COA7: variants seen among roughly 807,000 people sequenced by gnomAD.
COA7 encodes the protein cytochrome c oxidase assembly factor 7.
COA7 carries 12 observed loss-of-function variants against 21.0 expected under a neutral mutation model. The observed-to-expected ratio is 0.57, with a 90% confidence interval of 0.37 to 0.92. The LOEUF is 0.92. COA7 is among the 40% of genes least tolerant of loss of function. The pLI, the probability that COA7 is intolerant of heterozygous loss-of-function variation, is 0.01. For missense variants in COA7, 240 were observed against 286.1 expected, an observed-to-expected ratio of 0.84 and a Z score of 1.16; for synonymous variants, 95 against 107.4, an observed-to-expected ratio of 0.88 and a Z score of 0.72.
chr1:52,698,274 T>C lies in COA7; in HGVS notation c.53A>G (p.Glu18Gly). The C allele has an allele frequency of 6.2e-7, 1 of 1,612,892 alleles. No individual in the cohort carries two copies. The highest frequency in any genetic ancestry group is 1.1e-5 in the South Asian group (1 of 91,070). Residue 18 changes from glutamate to glycine, a missense_variant, in exon 1 of 3, where the codon GAG becomes GGG. Glu to Gly is a moderately conservative substitution (Grantham distance 98, BLOSUM62 -2). Transcript: ENST00000371538. ...QDEEQVKSFL[E>G]NMEVECNYHC... ...GTAGTTGCACTCCACCTCCATGTTC[T>C]CCAAAAAGGACTTGACCTGCTCCTC...
At chr1:52,693,605 TAAAA>T (rs565539055) in intron 1 of COA7, among the ~76,000 whole-genome samples, 6 of 117,648 alleles carry the variant, frequency 5.1e-5, no homozygotes, top group Non-Finnish European at 7.3e-5. Context: ...GACTCTGTCT[TAAAA>T]AAAAAAAAAA....
chr1:52,694,398 T>C (rs1644069218), intron 1 of COA7, among the ~76,000 whole-genome samples: 1 of 141,686 alleles, frequency 7.1e-6, no homozygotes, highest in Non-Finnish European at 1.5e-5. Flanking sequence ...AGGCGGAGAC[T>C]GCGGTGAGCC....
At position 52,684,717 on chromosome 1, in the gene COA7, ATAAT is replaced by A. The variant is rs1643989235; in HGVS notation, c.*2999_*3002del. On this transcript the variant is annotated 3_prime_UTR_variant, in exon 3 of 3. Coordinates refer to ENST00000371538, the MANE Select transcript of COA7 (RefSeq NM_023077.3). ...GACATATGTACAATGACAGGTATTTATAATTATAGTATCATACAGAGTAGTTTCG... is the reference window on the plus strand; with the variant it reads ...GACATATGTACAATGACAGGTATTTATATAGTATCATACAGAGTAGTTTCG... 1 of 152,154 alleles carries A rather than the reference ATAAT, an allele frequency of 6.6e-6. No individual in the cohort carries two copies. The highest frequency in any genetic ancestry group is 1.5e-5 in the Non-Finnish European group (1 of 68,020). 9.4% of individuals were successfully genotyped at this position (152,154 alleles called of 1,614,324 possible).
At chr1:52,690,026 C>CAAAAAAAAAAAAAGA in intron 2 of COA7, among the ~76,000 whole-genome samples, 1 of 101,576 alleles carries the variant, frequency 9.8e-6, no homozygotes, top group Non-Finnish European at 2.1e-5. Context: ...AACTCTGTCT[C>CAAAAAAAAAAAAAGA]AAAAAAAAAA....
chr1:52,691,084 C>T (rs962319479), intron 2 of COA7, among the ~76,000 whole-genome samples: 1 of 151,460 alleles, frequency 6.6e-6, no homozygotes, highest in Non-Finnish European at 1.5e-5. Context: ...GCCTGGGCGA[C>T]AGAGTGGGAC....
At chr1:52,690,553 C>T (rs1453472780) in intron 2 of COA7, among the ~76,000 whole-genome samples, 2 of 151,928 alleles carry the variant, frequency 1.3e-5, no homozygotes, top group Admixed American at 6.6e-5. Flanking sequence ...AACTGCTGAC[C>T]TACAAATTAA....
intron 2 of COA7, among the ~76,000 whole-genome samples, chr1:52,689,727 C>T (rs2149903949): frequency 6.6e-6 from 1 of 150,838 alleles, no homozygotes; most frequent in East Asian, 2.0e-4. Context: ...CCCATTTCTA[C>T]AAAAATACAA....
rs1644100049 is a variant in COA7, at chr1:52,698,296, C to G, written c.31G>C (p.Glu11Gln). Reference sequence around the variant, plus strand: ...TTCTCCAAAAAGGACTTGACCTGCTCCTCATCCTGGAAGTCCACCATGCCG... The same window carrying G: ...TTCTCCAAAAAGGACTTGACCTGCTGCTCATCCTGGAAGTCCACCATGCCG... MAGMVDFQDE[E>Q]QVKSFLENME... The change falls in exon 1 of 3, where the codon GAG becomes CAG. Residue 11 changes from glutamate to glutamine, a missense_variant. Glu to Gln is a conservative substitution (Grantham distance 29, BLOSUM62 2). Around this residue, in one of 3 missense-constraint regions of COA7, gnomAD observed 71 missense variants for 54.7 expected, o/e 1.30. Coordinates refer to ENST00000371538, the MANE Select transcript of COA7 (RefSeq NM_023077.3). 6.2e-7 allele frequency: 1 copy of G among 1,612,644 alleles called. No individual in the cohort carries two copies. Among genetic ancestry groups the G allele is most frequent in the African/African-American group, 1.3e-5 (1 of 75,032 alleles).
chr1:52,691,494 CAG>C (rs1644046788), intron 2 of COA7, among the ~76,000 whole-genome samples: 1 of 133,192 alleles, frequency 7.5e-6, no homozygotes, highest in African/African-American at 2.9e-5. Context: ...TTTTGTGAGA[CAG>C]AGTCTTGCTC....
At position 52,684,909 on chromosome 1, in the gene COA7, A is replaced by G. The variant is rs1411938727; in HGVS notation, c.*2811T>C. On this transcript the variant is annotated 3_prime_UTR_variant, in exon 3 of 3. Coordinates refer to ENST00000371538, the MANE Select transcript of COA7 (RefSeq NM_023077.3). ...TTTCAGACTGGCTTCATTTAGTAGC[A>G]TTCATTTAAGTTCCTCTGTGACTTC... 5.9e-5 allele frequency: 9 copies of G among 151,910 alleles called. No homozygotes were observed. Among genetic ancestry groups the G allele is most frequent in the Non-Finnish European group, 1.0e-4 (7 of 68,022 alleles). The allele number at this position is 151,910 out of a possible 1,614,324, so 9.4% of individuals were successfully genotyped here.
chr1:52,693,474 C>T (rs558376121), intron 1 of COA7, among the ~76,000 whole-genome samples: 62 of 151,824 alleles, frequency 4.1e-4, no homozygotes, highest in South Asian at 1.9e-3. Flanking sequence ...GGTGTGGTGG[C>T]GCACACCTGT....
chr1:52,689,233 G>T (rs1644027039), intron 2 of COA7, among the ~76,000 whole-genome samples: 1 of 150,960 alleles, frequency 6.6e-6, no homozygotes, highest in Non-Finnish European at 1.5e-5. Flanking sequence ...TTGGCTCACT[G>T]CTACCTCTGC....
chr1:52,692,969 CT>C, intron 1 of COA7, 102 bp from the exon 2 acceptor site: 1 of 1,244,746 alleles, frequency 8.0e-7, no homozygotes, highest in Non-Finnish European at 1.1e-6. Flanking sequence ...CAGGTGATGT[CT>C]TTTAAGACAG....
In COA7 at chr1:52,686,130, T is replaced by C. The variant is rs835612; in HGVS notation, c.*1590A>G. 0.38 allele frequency: 57,843 copies of C among 152,100 alleles called. 11,361 individuals carry two copies. Among genetic ancestry groups the C allele is most frequent in the African/African-American group, 0.45 (18,869 of 41,486 alleles). The allele number at this position is 152,100 out of a possible 1,614,324, so 9.4% of individuals were successfully genotyped here. Reference sequence around the variant, plus strand: ...ATCCACCTGCCTTGGCCTCCCAAAATGCTAGGATTACAGGCATGAGCCACC... The same window carrying C: ...ATCCACCTGCCTTGGCCTCCCAAAACGCTAGGATTACAGGCATGAGCCACC... On this transcript the variant is annotated 3_prime_UTR_variant, in exon 3 of 3. Transcript: ENST00000371538.
At position 52,686,066 on chromosome 1, in the gene COA7, A is replaced by C. The variant is rs116639365; in HGVS notation, c.*1654T>G. On this transcript the variant is annotated 3_prime_UTR_variant, in exon 3 of 3. Coordinates refer to ENST00000371538, the MANE Select transcript of COA7 (RefSeq NM_023077.3). ...TTTTAGTAGAGAAAGGGGTTTCGTCATGTTGGCCAGGCTGATCTCGAACTC... is the reference window on the plus strand; with the variant it reads ...TTTTAGTAGAGAAAGGGGTTTCGTCCTGTTGGCCAGGCTGATCTCGAACTC... 3,154 of 151,932 alleles carry C rather than the reference A, an allele frequency of 0.021. 76 individuals carry two copies. Among genetic ancestry groups the C allele is most frequent in the East Asian group, 0.14 (710 of 5,132 alleles). The allele number at this position is 151,932 out of a possible 1,614,324, so 9.4% of individuals were successfully genotyped here.
intron 2 of COA7, among the ~76,000 whole-genome samples, chr1:52,692,206 A>AC (rs1226841993): frequency 6.6e-6 from 1 of 152,222 alleles, no homozygotes; most frequent in Non-Finnish European, 1.5e-5. Flanking sequence ...ACCCTGAGGT[A>AC]CCCCCACTAA....
At chr1:52,691,749 C>G in intron 2 of COA7, among the ~76,000 whole-genome samples, 1 of 152,142 alleles carries the variant, frequency 6.6e-6, no homozygotes, top group East Asian at 1.9e-4. Context: ...GCTGGGATTA[C>G]AGGCATGAGC....
chr1:52,693,003 C>T (rs1011283191), intron 1 of COA7, 136 bp from the exon 2 acceptor site: 1 of 863,370 alleles, frequency 1.2e-6, no homozygotes, highest in Non-Finnish European at 1.8e-6. Context: ...TGATGTGTGG[C>T]AAGTTGGCCT....
intron 1 of COA7, among the ~76,000 whole-genome samples, chr1:52,696,435 G>T (rs1244196527): frequency 6.6e-6 from 1 of 151,556 alleles, no homozygotes; most frequent in Non-Finnish European, 1.5e-5. Flanking sequence ...GCCTCCCAAA[G>T]TGCTGGGATT....
Sources: allele counts gnomAD v4.1 joint callset (sites outside exome capture counted in the v4.1 genomes callset), GRCh38; gene constraint gnomAD v4.1.1; regional missense constraint gnomAD v4.1.1; transcripts MANE v1.5; gene names NCBI Gene and HGNC (gene_info 2026-07-23, HGNC 2026-07-21).